Variants in CCSER1 observed in about 807,000 individuals in gnomAD.
CCSER1 encodes the protein serine-rich coiled-coil domain-containing protein 1.
In CCSER1, 41 loss-of-function variants were observed where a neutral mutation model predicts 82.0. The observed-to-expected ratio is 0.50, with a 90% CI of 0.39 to 0.65. The LOEUF (loss-of-function observed/expected upper bound fraction) is 0.65, where lower values mean the gene tolerates loss of function less well. Among genes scored for constraint, CCSER1 ranks in the 30% least tolerant of loss-of-function variants. CCSER1 has a pLI of 0.00. For missense variants in CCSER1, 1,119 were observed against 1,064.2 expected (o/e 1.05, Z -0.72); for synonymous variants, 414 against 383.9 (o/e 1.08, Z -0.92).
At chr4:90,429,462 G>T (rs1256312817) in intron 4 of CCSER1, among the ~76,000 whole-genome samples, 4 of 151,696 alleles carry the variant, frequency 2.6e-5, no homozygotes, top group Non-Finnish European at 5.9e-5. Flanking sequence ...GAAATTTAAA[G>T]GATTAAGGGT....
intron 10 of CCSER1, among the ~76,000 whole-genome samples, chr4:91,196,934 G>C (rs565317748): frequency 2.0e-5 from 3 of 152,182 alleles, no homozygotes; most frequent in Non-Finnish European, 4.4e-5. Context: ...CTTCTTTAGT[G>C]CCTATATTGG....
chr4:91,012,723 A>T (rs1739106599), intron 9 of CCSER1, among the ~76,000 whole-genome samples: 1 of 82,410 alleles, frequency 1.2e-5, no homozygotes. Flanking sequence ...AATGTAGAAT[A>T]GTAGCCACAT....
At chr4:91,442,103 C>A (rs972497705) in intron 10 of CCSER1, among the ~76,000 whole-genome samples, 1 of 151,864 alleles carries the variant, frequency 6.6e-6, no homozygotes, top group Non-Finnish European at 1.5e-5. Flanking sequence ...ACTTTCTTCA[C>A]AGAATTGGAA....
chr4:91,462,104 T>A (rs1756537712), intron 10 of CCSER1, among the ~76,000 whole-genome samples: 1 of 152,088 alleles, frequency 6.6e-6, no homozygotes, highest in Non-Finnish European at 1.5e-5. Context: ...TTTTCAGAGA[T>A]TATATAAATG....
At chr4:90,180,188 A>C (rs1012860104) in intron 1 of CCSER1, among the ~76,000 whole-genome samples, 1 of 151,376 alleles carries the variant, frequency 6.6e-6, no homozygotes, top group African/African-American at 2.4e-5. Context: ...ACGATAACTA[A>C]AGATAATTTT....
intron 10 of CCSER1, among the ~76,000 whole-genome samples, chr4:91,529,768 A>C (rs1222396336): frequency 6.6e-6 from 1 of 152,112 alleles, no homozygotes; most frequent in Non-Finnish European, 1.5e-5. Context: ...AAGGAAAGTT[A>C]ATAGATTTTT....
chr4:90,908,793 TG>T (rs1448009436), intron 8 of CCSER1, among the ~76,000 whole-genome samples: 1 of 152,158 alleles, frequency 6.6e-6, no homozygotes, highest in Admixed American at 6.6e-5. Flanking sequence ...AGAAGGAGAC[TG>T]ATGTGATCCA....
chr4:90,719,048 G>A (rs938837693), intron 6 of CCSER1, among the ~76,000 whole-genome samples: 4 of 151,796 alleles, frequency 2.6e-5, no homozygotes, highest in Non-Finnish European at 5.9e-5. Context: ...CAACTTCCTG[G>A]CCACGGACCA....
At chr4:91,459,351 A>G (rs767023823) in intron 10 of CCSER1, among the ~76,000 whole-genome samples, 1 of 151,506 alleles carries the variant, frequency 6.6e-6, no homozygotes, top group African/African-American at 2.4e-5. Flanking sequence ...GTATACATGC[A>G]TATATATATA....
intron 5 of CCSER1, among the ~76,000 whole-genome samples, chr4:90,601,945 G>GT (rs1160157837): frequency 1.3e-5 from 2 of 151,996 alleles, no homozygotes; most frequent in Admixed American, 1.3e-4. Context: ...TTTAAATGTA[G>GT]TAAGATTTGT....
intron 10 of CCSER1, among the ~76,000 whole-genome samples, chr4:91,587,132 A>AC: frequency 6.6e-6 from 1 of 151,758 alleles, no homozygotes; most frequent in East Asian, 1.9e-4. Flanking sequence ...AACATAACAC[A>AC]CAATCTATAG....
chr4:90,784,215 C>G (rs1040844825), intron 7 of CCSER1, among the ~76,000 whole-genome samples: 1 of 152,138 alleles, frequency 6.6e-6, no homozygotes, highest in Non-Finnish European at 1.5e-5. Flanking sequence ...CCATACTGTT[C>G]CTCGTTTCAT....
At chr4:91,144,189 G>A (rs909625128) in intron 10 of CCSER1, among the ~76,000 whole-genome samples, 3 of 151,842 alleles carry the variant, frequency 2.0e-5, no homozygotes, top group Non-Finnish European at 2.9e-5. Context: ...TTCAATATTT[G>A]TTGGTCATGT....
chr4:90,535,741 G>A (rs1404134009), intron 5 of CCSER1, among the ~76,000 whole-genome samples: 3 of 151,872 alleles, frequency 2.0e-5, no homozygotes, highest in Admixed American at 2.0e-4. Flanking sequence ...TTCTTTGTAT[G>A]TGAAGAGTCA....
intron 7 of CCSER1, among the ~76,000 whole-genome samples, chr4:90,734,156 C>T (rs917267534): frequency 2.6e-5 from 4 of 151,792 alleles, no homozygotes; most frequent in Admixed American, 1.3e-4. Flanking sequence ...GATGGAATCT[C>T]GCTTTGTCGC....
intron 4 of CCSER1, among the ~76,000 whole-genome samples, chr4:90,446,839 A>G (rs1184859645): frequency 6.6e-6 from 1 of 152,092 alleles, no homozygotes; most frequent in Non-Finnish European, 1.5e-5. Context: ...CTTCCTTCTC[A>G]GCCTACTTAA....
intron 10 of CCSER1, among the ~76,000 whole-genome samples, chr4:91,127,378 A>G (rs750284660): frequency 5.3e-5 from 8 of 152,084 alleles, no homozygotes; most frequent in Non-Finnish European, 1.0e-4. Flanking sequence ...CCATGTGCCA[A>G]ATAATCACCT....
chr4:90,795,086 C>T (rs548364537), intron 7 of CCSER1, among the ~76,000 whole-genome samples: 3 of 152,044 alleles, frequency 2.0e-5, no homozygotes, highest in African/African-American at 7.2e-5. Flanking sequence ...GTCAGGAGTT[C>T]GAGACCAGCC....
rs1037743279 is a variant in CCSER1 at position 90,279,306 on chromosome 4, A to T, written c.-41-28938A>T. Among the ~76,000 whole-genome samples, 3 of 152,154 alleles carry T rather than the reference A, an allele frequency of 2.0e-5. No individual in the cohort carries two copies. In the East Asian group the frequency reaches 5.8e-4, roughly 29 times the overall value. ...AAATAGACTGTATGCACATAGTTTT[A>T]TCTGGGTGGTGTTGGAATTAGGGGA... On this transcript the variant is annotated intron_variant, in intron 1 of 10. Coordinates refer to ENST00000509176, the MANE Select transcript of CCSER1 (RefSeq NM_001145065.2).
Sources: allele counts gnomAD v4.1 joint callset (sites outside exome capture counted in the v4.1 genomes callset), GRCh38; gene constraint gnomAD v4.1.1; transcripts MANE v1.5; gene names NCBI Gene and HGNC (gene_info 2026-07-23, HGNC 2026-07-21).